Variants in NUAK2 observed in about 807,000 individuals in gnomAD.
NUAK2 encodes the protein NUAK family kinase 2, also known as NUAK family SNF1-like kinase 2.
Under a neutral mutation model 29.8 loss-of-function variants are expected in NUAK2, and 20 were observed. The ratio of observed to expected loss-of-function variants is 0.67; its 90% CI spans 0.47 to 0.98. NUAK2 has a LOEUF of 0.98. NUAK2 is among the 50% of genes least tolerant of loss of function. The pLI is 0.00. For missense variants in NUAK2, 719 were observed against 834.5 expected, an observed-to-expected ratio of 0.86 and a Z score of 1.71; for synonymous variants, 331 against 342.6, an observed-to-expected ratio of 0.97 and a Z score of 0.37.
At chr1:205,313,667 T>A (rs1214138905) in intron 1 of NUAK2, among the ~76,000 whole-genome samples, 6 of 144,206 alleles carry the variant, frequency 4.2e-5, no homozygotes, top group Non-Finnish European at 9.2e-5. Flanking sequence ...GAGCCTCGGG[T>A]TTTTTTTTTT....
chr1:205,305,121 C>A lies in NUAK2; in HGVS notation c.823+78G>T, dbSNP rs566399140. ...GACTGTTGCCCGTTTGACTTTAGTGCCACTGTGTAGTTTCTGCCTTAGGAA... is the reference window on the plus strand; with the variant it reads ...GACTGTTGCCCGTTTGACTTTAGTGACACTGTGTAGTTTCTGCCTTAGGAA... On this transcript the variant is annotated intron_variant, in intron 6 of 6. Coordinates refer to ENST00000367157, the MANE Select transcript of NUAK2 (RefSeq NM_030952.3). The A allele has an allele frequency of 4.2e-5, 65 of 1,541,862 alleles. No homozygotes were observed. The African/African-American group carries it at 8.6e-4, about 20-fold the overall frequency.
Position 205,303,898 on chromosome 1 carries a change from C to T in NUAK2, c.1439G>A (p.Ser480Asn). 6.2e-7 allele frequency: 1 copy of T among 1,614,076 alleles called. No individual in the cohort carries two copies. The highest frequency in any genetic ancestry group is 8.5e-7 in the Non-Finnish European group (1 of 1,180,018). ...ELLDAGDVFV[S>N]GDPKEQKPPQ... ...AGGCTTCTGCTCCTTGGGATCCCCA[C>T]TCACAAACACGTCGCCTGCGTCCAA... Residue 480 changes from serine (S) to asparagine (N), a missense_variant, in exon 7 of 7, where the codon AGT becomes AAT. Coordinates refer to ENST00000367157, the MANE Select transcript of NUAK2 (RefSeq NM_030952.3).
In NUAK2 at chr1:205,303,535, C is replaced by T; in HGVS notation, c.1802G>A (p.Gly601Glu). Residue 601 changes from glycine to glutamate, a missense_variant, in exon 7 of 7, where the codon GGG becomes GAG. Physicochemically the swap from Gly to Glu is moderately conservative, Grantham distance 98. Around this residue, in one of 3 missense-constraint regions of NUAK2, gnomAD observed 430 missense variants for 465.7 expected, o/e 0.92. Coordinates refer to ENST00000367157, the MANE Select transcript of NUAK2 (RefSeq NM_030952.3). ...CLRRWRQDPL[G>E]DSCFSLTDCQ... The stretch of plus-strand genomic sequence containing the variant: ...GTCTGTCAGGGAAAAGCAGCTGTCC[C>T]CCAAAGGATCCTGCCGCCAGCGCCT... The T allele has an allele frequency of 6.2e-7, 1 of 1,613,660 alleles. No individual in the cohort carries two copies. Among genetic ancestry groups the T allele is most frequent in the Non-Finnish European group, 8.5e-7 (1 of 1,179,944 alleles).
rs971874792 is a variant in NUAK2, at chr1:205,308,589, A to C, written c.496T>G (p.Cys166Gly). The change falls in exon 3 of 7, where the codon TGC (cysteine) becomes GGC (glycine). Residue 166 changes from cysteine to glycine, a missense_variant. Transcript: ENST00000367157. The surrounding 1 kb of genome is among the most constrained non-coding windows in gnomAD (Gnocchi z 4.1). ...AGCAGGTAGGTGCTCACCTGATGGC[A>C]ATAGTGCACGGCAGAGACGATCTGC... ...FRQIVSAVHYCHQNRVVHRDL... is the reference protein window; with the variant it reads ...FRQIVSAVHYGHQNRVVHRDL... The C allele has an allele frequency of 5.0e-6, 8 of 1,613,660 alleles. No individual in the cohort carries two copies. Among genetic ancestry groups the C allele is most frequent in the Non-Finnish European group, 6.8e-6 (8 of 1,179,700 alleles).
intron 1 of NUAK2, among the ~76,000 whole-genome samples, chr1:205,319,670 G>C (rs903164342): frequency 6.6e-6 from 1 of 152,204 alleles, no homozygotes; most frequent in East Asian, 1.9e-4. Context: ...TGCAGAAAGA[G>C]AAAGAAAAGG....
chr1:205,316,804 T>C (rs891620526), intron 1 of NUAK2, among the ~76,000 whole-genome samples: 10 of 152,210 alleles, frequency 6.6e-5, no homozygotes, highest in African/African-American at 2.4e-4. Flanking sequence ...TCTGATTCTG[T>C]CCCAGTGGTT....
rs146488957 is a variant in NUAK2 at position 205,309,364 on chromosome 1, T to C, written c.353-632A>G. 7.2e-5 allele frequency among the ~76,000 whole-genome samples: 11 copies of C among 152,320 alleles called. No homozygotes were observed. In the East Asian group the frequency reaches 1.9e-3, roughly 27 times the overall value. ...TTTATTGAGACAGAGTCTCGCTCTG[T>C]CACCTAGGCTGGAGTGCAGTGGCGT... On this transcript the variant is annotated intron_variant, in intron 2 of 6. Transcript: ENST00000367157.
At chr1:205,311,051 A>G (rs1018935604) in intron 2 of NUAK2, among the ~76,000 whole-genome samples, 7 of 152,298 alleles carry the variant, frequency 4.6e-5, no homozygotes, top group African/African-American at 1.7e-4. Flanking sequence ...GGTGTGTGTA[A>G]GAGAGGGCTC....
chr1:205,318,417 T>C (rs533908097), intron 1 of NUAK2, among the ~76,000 whole-genome samples: 15 of 152,238 alleles, frequency 9.9e-5, no homozygotes, highest in Non-Finnish European at 2.2e-4. Context: ...GGAGCCCATA[T>C]TGCAGGCATG....
rs1328673404 is a variant in NUAK2 at position 205,302,629 on chromosome 1, C to A, written c.*821G>T. On this transcript the variant is annotated 3_prime_UTR_variant, in exon 7 of 7. Coordinates refer to ENST00000367157, the MANE Select transcript of NUAK2 (RefSeq NM_030952.3). The stretch of plus-strand genomic sequence containing the variant: ...GGGTTAGGTGGGGCGCGGTGGCTCA[C>A]GCCTGTAATCCCAGCACTTTGGGAG... The A allele has an allele frequency of 6.6e-6, 1 of 152,266 alleles. No homozygotes were observed. Among genetic ancestry groups the A allele is most frequent in the Non-Finnish European group, 1.5e-5 (1 of 68,128 alleles). The allele number at this position is 152,266 out of a possible 1,614,324, so 9.4% of individuals were successfully genotyped here.
At position 205,303,177 on chromosome 1, in the gene NUAK2, G is replaced by T; in HGVS notation, c.*273C>A. On this transcript the variant is annotated 3_prime_UTR_variant, in exon 7 of 7. Coordinates refer to ENST00000367157, the MANE Select transcript of NUAK2 (RefSeq NM_030952.3). ...CTCTGTGGCCCCCCCATGTACACAA[G>T]AAACAGGCAATGTGGACTCTGTCGC... 1 of 279,236 alleles carries T rather than the reference G, an allele frequency of 3.6e-6. No homozygotes were observed. Among genetic ancestry groups the T allele is most frequent in the Non-Finnish European group, 6.7e-6 (1 of 148,734 alleles). The allele number at this position is 279,236 out of a possible 1,614,324, so 17.3% of individuals were successfully genotyped here. A position where few individuals can be genotyped will look rare whatever the true frequency, so the allele number is the denominator to read the frequency against.
In NUAK2 at chr1:205,304,604, T is replaced by C. The variant is rs1201926933; in HGVS notation, c.824-91A>G. ...CCCCAGCTCATCCCCTTTTGAGCTA[T>C]GACACTGCATACTCCTGGGTCGGAT... On this transcript the variant is annotated intron_variant, in intron 6 of 6. Transcript: ENST00000367157. The surrounding 1 kb of genome is among the most constrained non-coding windows in gnomAD (Gnocchi z 6.5). 4.6e-6 allele frequency: 5 copies of C among 1,096,310 alleles called. No individual in the cohort carries two copies. Among genetic ancestry groups the C allele is most frequent in the Non-Finnish European group, 5.1e-6 (4 of 778,916 alleles). 67.9% of individuals were successfully genotyped at this position (1,096,310 alleles called of 1,614,324 possible). A position where few individuals can be genotyped will look rare whatever the true frequency, so the allele number is the denominator to read the frequency against.
intron 1 of NUAK2, among the ~76,000 whole-genome samples, chr1:205,313,093 A>C (rs567693495): frequency 2.0e-5 from 3 of 152,260 alleles, no homozygotes; most frequent in African/African-American, 7.2e-5. Context: ...GTGTTGTTTA[A>C]TGTGCATAGT....
Position 205,306,181 on chromosome 1 carries a change from C to A in NUAK2, c.690+7G>T, listed in dbSNP as rs1181718635. 2 of 1,597,896 alleles carry A rather than the reference C, an allele frequency of 1.3e-6. No individual in the cohort carries two copies. Among genetic ancestry groups the A allele is most frequent in the Non-Finnish European group, 1.7e-6 (2 of 1,173,766 alleles). On this transcript the variant is annotated splice_region_variant and intron_variant, in intron 5 of 6. Coordinates refer to ENST00000367157, the MANE Select transcript of NUAK2 (RefSeq NM_030952.3). ...AGGCAGGCTGGCAGGGGAGGGTGGC[C>A]ACTTACCTCTGGGCCTGTGTAGGGC...
At position 205,308,314 on chromosome 1, in the gene NUAK2, A is replaced by C; in HGVS notation, c.505-84T>G. 9.3e-7 allele frequency: 1 copy of C among 1,078,546 alleles called. No homozygotes were observed. The highest frequency in any genetic ancestry group is 1.4e-6 in the Non-Finnish European group (1 of 734,524). 66.8% of individuals were successfully genotyped at this position (1,078,546 alleles called of 1,614,324 possible). ...GCCCAGTCTGGAGACTGAGGTAAAC[A>C]CAAAGGGAGCCAAGTGGGCTTGAGC... On this transcript the variant is annotated intron_variant, in intron 3 of 6. Transcript: ENST00000367157. The surrounding 1 kb of genome is among the most constrained non-coding windows in gnomAD (Gnocchi z 4.1).
rs1046707076 is a variant in NUAK2 at position 205,305,543 on chromosome 1, C to T, written c.691-212G>A. ...CACAAGAGCTACAGCCAGGTCATCT[C>T]TTCCGGGCTGGGGAAGGGGTGGTTG... On this transcript the variant is annotated intron_variant, in intron 5 of 6. Coordinates refer to ENST00000367157, the MANE Select transcript of NUAK2 (RefSeq NM_030952.3). 9.0e-5 allele frequency: 89 copies of T among 984,470 alleles called. No homozygotes were observed. In the African/African-American group the frequency reaches 1.4e-3, roughly 15 times the overall value. The allele number at this position is 984,470 out of a possible 1,614,324, so 61.0% of individuals were successfully genotyped here.
At chr1:205,311,929 T>C (rs760639651) in intron 1 of NUAK2, 104 bp from the exon 2 acceptor site, 2 of 1,444,568 alleles carry the variant, frequency 1.4e-6, no homozygotes, top group African/African-American at 1.4e-5. Flanking sequence ...GGCCACAGAG[T>C]ACACCCATAG....
intron 1 of NUAK2, among the ~76,000 whole-genome samples, chr1:205,317,054 GC>G (rs35617371): frequency 2.6e-5 from 4 of 152,072 alleles, no homozygotes; most frequent in Non-Finnish European, 5.9e-5. Flanking sequence ...CCCATATCTT[GC>G]CCTAGGCCAG....
intron 1 of NUAK2, among the ~76,000 whole-genome samples, chr1:205,319,220 G>A (rs939761230): frequency 6.6e-6 from 1 of 152,162 alleles, no homozygotes; most frequent in Non-Finnish European, 1.5e-5. Context: ...TGCAGAACTG[G>A]GTGGTCTATG....
Sources: gnomAD v4.1 joint callset for allele counts (sites outside exome capture counted in the v4.1 genomes callset) on GRCh38, gnomAD v4.1.1 for gene constraint, gnomAD v4.1.1 regional missense constraint, Gnocchi (gnomAD v3.1) non-coding constraint, MANE v1.5 for transcripts, NCBI Gene and HGNC (gene_info 2026-07-23, HGNC 2026-07-21) for gene names.